Variants in PDLIM7 observed in about 807,000 individuals in gnomAD.
PDLIM7 encodes the protein PDZ and LIM domain protein 7.
Under a neutral mutation model 53.9 loss-of-function variants are expected in PDLIM7, and 37 were observed. The observed-to-expected ratio is 0.69, with a 90% confidence interval of 0.53 to 0.90. The LOEUF is 0.90. Among genes scored for constraint, PDLIM7 ranks in the 40% least tolerant of loss-of-function variants. The pLI is 0.00. For synonymous variants in PDLIM7, 300 were observed against 261.3 expected (o/e 1.15, Z -1.43); for missense variants, 617 against 638.5 (o/e 0.97, Z 0.36).
intron 5 of PDLIM7, chr5:177,491,358 T>G: frequency 6.5e-7 from 1 of 1,547,006 alleles, no homozygotes; most frequent in African/African-American, 1.4e-5. Flanking sequence ...CCACCCAGAG[T>G]GCCAAAAGGA....
At chr5:177,485,928 G>A (rs140448529) in intron 10 of PDLIM7, among the ~76,000 whole-genome samples, 1 of 152,292 alleles carries the variant, frequency 6.6e-6, no homozygotes, top group African/African-American at 2.4e-5. Flanking sequence ...CAAGGCTGCA[G>A]TGAGCAGTGA....
chr5:177,483,624 C>A lies in PDLIM7; in HGVS notation c.*20G>T. 6.3e-7 allele frequency: 1 copy of A among 1,575,126 alleles called. No homozygotes were observed. Among genetic ancestry groups the A allele is most frequent in the Non-Finnish European group, 8.7e-7 (1 of 1,146,598 alleles). On this transcript the variant is annotated 3_prime_UTR_variant, in exon 13 of 13. Transcript: ENST00000355841. ...CCCCTCAGGCTAGGGGCCACCGCGG[C>A]AGCTGTGGGCAGAAGGGGCTCACAC...
rs1407940652 is a variant in PDLIM7, at chr5:177,483,909, C to G, written c.1245G>C (p.Glu415Asp). The part of the protein sequence containing the change: ...FKIDAGDRFL[E>D]ALGFSWHDTC... ...TGTCATGCCAGCTGAAGCCCAGGGC[C>G]TCCAGGAAGCGGTCCCCAGCGTCGA... Residue 415 changes from glutamate (E) to aspartate (D), a missense_variant, in exon 12 of 13, where the codon GAG becomes GAC. Glu to Asp is a conservative substitution (Grantham distance 45). Coordinates refer to ENST00000355841, the MANE Select transcript of PDLIM7 (RefSeq NM_005451.5). The G allele has an allele frequency of 1.9e-6, 3 of 1,613,860 alleles. No homozygotes were observed. The highest frequency in any genetic ancestry group is 2.5e-6 in the Non-Finnish European group (3 of 1,179,982).
At chr5:177,490,468 G>T in intron 7 of PDLIM7, 1 of 1,544,204 alleles carries the variant, frequency 6.5e-7, no homozygotes, top group Non-Finnish European at 8.7e-7. Context: ...GAGGGAGGCA[G>T]AGAGGGCAGC....
Position 177,491,091 on chromosome 5 carries a change from T to C in PDLIM7, c.454A>G (p.Thr152Ala), listed in dbSNP as rs1758753924. 1 of 1,611,934 alleles carries C rather than the reference T, an allele frequency of 6.2e-7. No individual in the cohort carries two copies. ...DASKQRLMEN[T>A]EDWRPRPGTG... ...CCCGGCCGCGGCCGCCAGTCCTCTG[T>C]GTTCTCCATCAGCCGCTGCTTGCTG... is the stretch of plus-strand genomic sequence containing the variant. The change falls in exon 6 of 13, where the codon ACA (threonine) becomes GCA (alanine). Residue 152 changes from threonine (T) to alanine (A), a missense_variant. Transcript: ENST00000355841.
intron 2 of PDLIM7, among the ~76,000 whole-genome samples, chr5:177,494,052 G>C (rs1000129710): frequency 4.6e-5 from 7 of 152,200 alleles, no homozygotes; most frequent in Admixed American, 2.0e-4. Flanking sequence ...GAGCTCGGCG[G>C]CCCCTTCCTC....
chr5:177,493,246 CCT>C (rs1581763392), intron 2 of PDLIM7, among the ~76,000 whole-genome samples: 1 of 152,302 alleles, frequency 6.6e-6, no homozygotes, highest in East Asian at 1.9e-4. Context: ...AGGAACAGGC[CCT>C]GTTATCTCCC....
chr5:177,492,002 C>T, intron 4 of PDLIM7, 77 bp from the exon 5 acceptor site: 2 of 664,334 alleles, frequency 3.0e-6, no homozygotes, highest in Non-Finnish European at 4.6e-6. Context: ...GCGCCTGCAG[C>T]AGAGGACAGC....
At chr5:177,490,305 C>T (rs1581758084) in intron 7 of PDLIM7, 1 of 1,444,676 alleles carries the variant, frequency 6.9e-7, no homozygotes, top group East Asian at 2.5e-5. Context: ...ACAGCAGTAC[C>T]ACAGGGCAAA....
At chr5:177,496,812 T>C (rs1439428712) in intron 1 of PDLIM7, 4 of 219,824 alleles carry the variant, frequency 1.8e-5, no homozygotes, top group South Asian at 1.1e-4. Flanking sequence ...GCCGAGGGAC[T>C]AAACTGGCGC....
Position 177,484,155 on chromosome 5 carries a change from C to A in PDLIM7, c.1086G>T (p.Val362=), listed in dbSNP as rs28367007. The change falls in exon 11 of 13, where the codon GTG becomes GTT. Residue 362 remains valine, a synonymous_variant. Coordinates refer to ENST00000355841, the MANE Select transcript of PDLIM7 (RefSeq NM_005451.5). ...IMHALKMTWH[V]HCFTCAACKT... is the part of the protein sequence containing the mutation. Reference sequence around the variant, plus strand: ...TGCAGGCAGCACAGGTAAAGCAGTGCACGTGCCAGGTCATCTTCAGGGCGT... The same window carrying A: ...TGCAGGCAGCACAGGTAAAGCAGTGAACGTGCCAGGTCATCTTCAGGGCGT... 5.5e-4 allele frequency: 885 copies of A among 1,613,904 alleles called. 1 individual carries two copies. In the African/African-American group the frequency reaches 0.01, roughly 19 times the overall value.
At chr5:177,490,382 A>G in intron 7 of PDLIM7, 1 of 1,479,284 alleles carries the variant, frequency 6.8e-7, no homozygotes, top group Non-Finnish European at 8.9e-7. Flanking sequence ...GGCTCAGGCC[A>G]GGGGCACGAA....
At chr5:177,486,739 C>T (rs1010494268) in intron 10 of PDLIM7, among the ~76,000 whole-genome samples, 4 of 151,722 alleles carry the variant, frequency 2.6e-5, no homozygotes, top group South Asian at 2.1e-4. Flanking sequence ...CCCAGGTTCA[C>T]GCCATTCTCC....
At position 177,488,285 on chromosome 5, in the gene PDLIM7, C is replaced by CA. The variant is rs769121799; in HGVS notation, c.870-38dup. 1.2e-5 allele frequency: 19 copies of CA among 1,545,108 alleles called. No homozygotes were observed. In the African/African-American group the frequency reaches 2.5e-4, roughly 20 times the overall value. On this transcript the variant is annotated intron_variant, in intron 9 of 12. Transcript: ENST00000355841. ...CGAGAGCGGTCAGAGGGAGCACACGCAGAGAGGTGGGGGTCTTGGCCCCCT... is the reference window on the plus strand; with the variant it reads ...CGAGAGCGGTCAGAGGGAGCACACGCAAGAGAGGTGGGGGTCTTGGCCCCCT...
rs1260300103 is a variant in PDLIM7 at position 177,483,979 on chromosome 5, T to C, written c.1175A>G (p.Tyr392Cys). Reference protein sequence around the residue: ...EEGVPYCERDYEKMFGTKCHG... With the variant: ...EEGVPYCERDCEKMFGTKCHG... The stretch of plus-strand genomic sequence containing the variant: ...GCATTTCGTGCCAAACATCTTCTCA[T>C]AGTCTGAGAATGGGGGCAGAGAGAA... The change falls in exon 12 of 13, where the codon TAT becomes TGT. Residue 392 changes from tyrosine to cysteine, a missense_variant. By Grantham distance (194) the Tyr-to-Cys change is radical (BLOSUM62 -2). Coordinates refer to ENST00000355841, the MANE Select transcript of PDLIM7 (RefSeq NM_005451.5). 1.9e-6 allele frequency: 3 copies of C among 1,613,480 alleles called. No individual in the cohort carries two copies. Among genetic ancestry groups the C allele is most frequent in the Admixed American group, 1.7e-5 (1 of 59,994 alleles).
rs60583245 is a variant in PDLIM7 at position 177,486,931 on chromosome 5, C to CTT, written c.1050+1135_1050+1136dup. On this transcript the variant is annotated intron_variant, in intron 10 of 12. Coordinates refer to ENST00000355841, the MANE Select transcript of PDLIM7 (RefSeq NM_005451.5). ...CAGGTGTGAGCCACCGTGCCTGGCC[C>CTT]TTTTTTTTTTTTTTTTTTTTTTTTT... Among the ~76,000 whole-genome samples, 46 of 48,726 alleles carry CTT rather than the reference C, an allele frequency of 9.4e-4. 5 individuals carry two copies. The highest frequency in any genetic ancestry group is 1.1e-3 in the Non-Finnish European group (28 of 24,454). The allele number at this position is 48,726 out of a possible 152,430, so 32.0% of individuals were successfully genotyped here.
chr5:177,492,294 C>G, intron 4 of PDLIM7, 111 bp downstream of exon 4: 1 of 1,406,126 alleles, frequency 7.1e-7, no homozygotes, highest in Non-Finnish European at 9.7e-7. Context: ...GGTTTCTGCC[C>G]TCCACTCCCG....
At position 177,490,288 on chromosome 5, in the gene PDLIM7, C is replaced by T. The variant is rs1758681055; in HGVS notation, c.573-456G>A. On this transcript the variant is annotated intron_variant, in intron 7 of 12. Transcript: ENST00000355841. ...ATTCCATGCCCAAGGCAGCACAGAC[C>T]TGGCAGACAGCAGTACCACAGGGCA... 2.1e-6 allele frequency: 3 copies of T among 1,443,278 alleles called. No homozygotes were observed. In the South Asian group the frequency reaches 4.4e-5, roughly 21 times the overall value. The allele number at this position is 1,443,278 out of a possible 1,614,324, so 89.4% of individuals were successfully genotyped here.
Position 177,483,662 on chromosome 5 carries a change from A to G in PDLIM7, c.1356T>C (p.His452=), listed in dbSNP as rs1383363923. ...AAGGGGCTCACACATGAGAGAAGGC[A>G]TGGCTCTTGCAGAGAGGCCTGTCCT... is the stretch of plus-strand genomic sequence containing the variant. The part of the protein sequence containing the change: ...SKKDRPLCKS[H]AFSHV The change falls in exon 13 of 13, where the codon CAT becomes CAC. Residue 452 remains histidine, a synonymous_variant. Transcript: ENST00000355841. 6.2e-7 allele frequency: 1 copy of G among 1,611,048 alleles called. No individual in the cohort carries two copies. The highest frequency in any genetic ancestry group is 1.7e-5 in the Admixed American group (1 of 59,972).
Sources: gnomAD v4.1 joint callset for allele counts (sites outside exome capture counted in the v4.1 genomes callset) on GRCh38, gnomAD v4.1.1 for gene constraint, MANE v1.5 for transcripts, NCBI Gene and HGNC (gene_info 2026-07-23, HGNC 2026-07-21) for gene names.